The following PDPN variants were observed in gnomAD, a reference collection of about 807,000 sequenced individuals.
PDPN encodes PA2.26 antigen.
Under a neutral mutation model 23.2 loss-of-function variants are expected in PDPN, and 12 were observed. The observed-to-expected ratio is 0.52, with a 90% CI of 0.33 to 0.84. PDPN has a LOEUF of 0.84. Ranked by LOEUF, PDPN falls within the 40% of genes least tolerant of loss-of-function variation. PDPN has a pLI of 0.02. For synonymous variants in PDPN, 77 were observed against 76.7 expected (o/e 1.00, Z -0.02); for missense variants, 199 against 212.2 (o/e 0.94, Z 0.39).
intron 3 of PDPN, among the ~76,000 whole-genome samples, chr1:13,611,249 CA>C (rs1389187850): frequency 1.3e-5 from 2 of 150,722 alleles, no homozygotes; most frequent in Non-Finnish European, 3.0e-5. Context: ...AAAAAACAAA[CA>C]AACAAACAAA....
intron 1 of PDPN, among the ~76,000 whole-genome samples, chr1:13,601,519 C>T (rs1640639550): frequency 6.6e-6 from 1 of 152,126 alleles, no homozygotes; most frequent in South Asian, 2.1e-4. Context: ...ATCCTGCCTA[C>T]TTAATTTTTG....
Position 13,595,699 on chromosome 1 carries a change from A to C in PDPN, c.68-11474A>C, listed in dbSNP as rs1275436529. 9.0e-6 allele frequency: 4 copies of C among 446,670 alleles called. No homozygotes were observed. The East Asian group carries it at 2.8e-4, about 31-fold the overall frequency. 27.7% of individuals were successfully genotyped at this position (446,670 alleles called of 1,614,324 possible). A position where few individuals can be genotyped will look rare whatever the true frequency, so the allele number is the denominator to read the frequency against. On this transcript the variant is annotated intron_variant, in intron 1 of 5. Coordinates refer to ENST00000621990, the MANE Select transcript of PDPN (RefSeq NM_006474.5). ...CATCTCGTCATTGGTCTCATCCCACAGGGGTTGACAGGACCTGCCACAGTG... is the reference window on the plus strand; with the variant it reads ...CATCTCGTCATTGGTCTCATCCCACCGGGGTTGACAGGACCTGCCACAGTG...
intron 1 of PDPN, 179 bp downstream of exon 1, chr1:13,584,279 A>G: frequency 2.6e-6 from 4 of 1,528,272 alleles, no homozygotes; most frequent in African/African-American, 2.7e-5. Flanking sequence ...AGTCGGTGCC[A>G]GGTCCCAAAG....
intron 5 of PDPN, among the ~76,000 whole-genome samples, chr1:13,615,189 G>A (rs1557553635): frequency 6.6e-6 from 1 of 152,236 alleles, no homozygotes; most frequent in East Asian, 1.9e-4. Flanking sequence ...AGCTTTGACT[G>A]TTGTTGAAGG....
intron 1 of PDPN, among the ~76,000 whole-genome samples, chr1:13,586,111 G>C (rs1254031566): frequency 6.6e-6 from 1 of 152,114 alleles, no homozygotes; most frequent in Non-Finnish European, 1.5e-5. Context: ...GGCACGTTTT[G>C]GGGGCCACTT....
chr1:13,610,840 A>G (rs1640915872), intron 3 of PDPN, among the ~76,000 whole-genome samples: 2 of 152,154 alleles, frequency 1.3e-5, no homozygotes, highest in Non-Finnish European at 2.9e-5. Context: ...CAAGGGCACG[A>G]CACTCAGCCA....
intron 5 of PDPN, 40 bp from the exon 6 acceptor site, chr1:13,615,865 C>T (rs376516848): frequency 1.3e-6 from 2 of 1,597,228 alleles, no homozygotes; most frequent in Non-Finnish European, 1.7e-6. Flanking sequence ...TTCACAATGC[C>T]AGTAAGAGAC....
chr1:13,615,060 C>T (rs1477738384), intron 5 of PDPN, among the ~76,000 whole-genome samples: 3 of 152,240 alleles, frequency 2.0e-5, no homozygotes, highest in Middle Eastern at 3.4e-3. Flanking sequence ...TCTAGAAAAC[C>T]GCCTGTCACA....
chr1:13,610,421 G>T lies in PDPN; in HGVS notation c.236G>T (p.Arg79Leu), dbSNP rs374052197. ...ATSVNSVTGI[R>L]IEDLPTSEST... ...AGTGTCAACAGTGTAACAGGCATTC[G>T]CATCGAGGATCTGCCAACTTCAGAA... Residue 79 changes from arginine to leucine, a missense_variant, in exon 3 of 6, where the codon CGC (arginine) becomes CTC (leucine). Physicochemically the swap from Arg to Leu is moderately radical, Grantham distance 102 (BLOSUM62 -2). Transcript: ENST00000621990. 50 of 1,613,348 alleles carry T rather than the reference G, an allele frequency of 3.1e-5. No homozygotes were observed. Among genetic ancestry groups the T allele is most frequent in the East Asian group, 6.7e-5 (3 of 44,876 alleles).
intron 1 of PDPN, among the ~76,000 whole-genome samples, chr1:13,600,628 G>T (rs183991988): frequency 6.6e-6 from 1 of 152,176 alleles, no homozygotes; most frequent in Non-Finnish European, 1.5e-5. Flanking sequence ...GCCTCCCAAA[G>T]TGCTGGGATT....
chr1:13,595,784 A>G, intron 1 of PDPN: 1 of 952,520 alleles, frequency 1.0e-6, no homozygotes, highest in South Asian at 1.3e-5. Context: ...TCCCCTTTGC[A>G]GGTGCCGTGC....
At chr1:13,606,369 C>G (rs544962146) in intron 1 of PDPN, among the ~76,000 whole-genome samples, 6 of 152,300 alleles carry the variant, frequency 3.9e-5, no homozygotes, top group African/African-American at 1.4e-4. Context: ...ATTACTGACC[C>G]TCCCCTGTAG....
Position 13,607,317 on chromosome 1 carries a change from T to C in PDPN, c.201+11T>C, listed in dbSNP as rs1016695677. ...GGCTTGACAACTCTGGTCAGTGTCC[T>C]GGGAAGAGAGGAATTTTTTCCGTAG... is the stretch of plus-strand genomic sequence containing the variant. On this transcript the variant is annotated intron_variant, in intron 2 of 5. Transcript: ENST00000621990. 6.2e-7 allele frequency: 1 copy of C among 1,610,112 alleles called. No homozygotes were observed. The highest frequency in any genetic ancestry group is 8.5e-7 in the Non-Finnish European group (1 of 1,178,038).
At chr1:13,595,001 A>G (rs1003428632) in intron 1 of PDPN, among the ~76,000 whole-genome samples, 5 of 150,262 alleles carry the variant, frequency 3.3e-5, no homozygotes, top group Non-Finnish European at 5.9e-5. Flanking sequence ...TCTCAAAAAA[A>G]AAAAAAAGAA....
intron 1 of PDPN, among the ~76,000 whole-genome samples, chr1:13,598,303 C>T (rs1640550176): frequency 6.6e-6 from 1 of 152,122 alleles, no homozygotes; most frequent in Admixed American, 6.5e-5. Flanking sequence ...AGGTGTGAGC[C>T]ACCATGCCTG....
chr1:13,583,831 C>T (rs1420539125), upstream of PDPN: 3 of 1,567,546 alleles, frequency 1.9e-6, no homozygotes, highest in Non-Finnish European at 1.7e-6. Flanking sequence ...GGAAAGTTCT[C>T]AACTGCAAAG....
At chr1:13,594,141 T>G (rs539991420) in intron 1 of PDPN, among the ~76,000 whole-genome samples, 118 of 152,326 alleles carry the variant, frequency 7.7e-4, no homozygotes, top group Non-Finnish European at 1.5e-3. Context: ...ATCCATTCAT[T>G]CAGGCAGCAG....
rs1641099999 is a variant in PDPN at position 13,617,382 on chromosome 1, C to T, written c.*1471C>T. The T allele has an allele frequency of 6.6e-6, 1 of 152,044 alleles. No individual in the cohort carries two copies. The highest frequency in any genetic ancestry group is 1.5e-5 in the Non-Finnish European group (1 of 68,044). 9.4% of individuals were successfully genotyped at this position (152,044 alleles called of 1,614,324 possible). A position where few individuals can be genotyped will look rare whatever the true frequency, so the allele number is the denominator to read the frequency against. On this transcript the variant is annotated 3_prime_UTR_variant, in exon 6 of 6. Coordinates refer to ENST00000621990, the MANE Select transcript of PDPN (RefSeq NM_006474.5). ...TGTTCCCAAATCCAGCTGGCCCCAC[C>T]AGCTCAGATTCCATTTTTTTTGTGT...
At chr1:13,584,376 A>C in intron 1 of PDPN, 1 of 1,371,164 alleles carries the variant, frequency 7.3e-7, no homozygotes, top group Non-Finnish European at 9.6e-7. Flanking sequence ...CCGAGTCGGC[A>C]GCACCAGAGA....
Sources: allele counts gnomAD v4.1 joint callset (sites outside exome capture counted in the v4.1 genomes callset), GRCh38; gene constraint gnomAD v4.1.1; transcripts MANE v1.5; gene names NCBI Gene and HGNC (gene_info 2026-07-23, HGNC 2026-07-21).